Variants in CSMD1 observed in about 807,000 individuals in gnomAD.
CSMD1 encodes the protein CUB and sushi domain-containing protein 1.
CSMD1 carries 213 observed loss-of-function variants against 417.5 expected under a neutral mutation model. The observed-to-expected ratio is 0.51, with a 90% CI of 0.46 to 0.57. The LOEUF (loss-of-function observed/expected upper bound fraction) is 0.57, where lower values mean the gene tolerates loss of function less well. CSMD1 is among the 20% of genes least tolerant of loss of function. The pLI is 0.00. For synonymous variants in CSMD1, 2,862 were observed against 1,736.8 expected (o/e 1.65, Z -16.11); for missense variants, 6,923 against 4,529.7 (o/e 1.53, Z -15.17).
At chr8:4,834,816 G>A (rs1034200525) in intron 1 of CSMD1, among the ~76,000 whole-genome samples, 72 of 151,526 alleles carry the variant, frequency 4.8e-4, no homozygotes, top group African/African-American at 1.6e-3. Context: ...AATTAGCCGG[G>A]CGTGGTGGTG....
At chr8:4,497,464 G>T (rs561830395) in intron 2 of CSMD1, among the ~76,000 whole-genome samples, 1 of 152,282 alleles carries the variant, frequency 6.6e-6, no homozygotes, top group African/African-American at 2.4e-5. Flanking sequence ...AGGCCCAATT[G>T]TGTTTCACAG....
chr8:3,540,965 G>A (rs987037157), intron 10 of CSMD1, among the ~76,000 whole-genome samples: 1 of 152,246 alleles, frequency 6.6e-6, no homozygotes, highest in Non-Finnish European at 1.5e-5. Context: ...GTGGAGGACA[G>A]TGTGGTGATT....
At chr8:3,482,663 C>T (rs963663243) in intron 11 of CSMD1, among the ~76,000 whole-genome samples, 1 of 152,160 alleles carries the variant, frequency 6.6e-6, no homozygotes, top group Non-Finnish European at 1.5e-5. Context: ...ATGGAACTCT[C>T]AACTCAATAC....
intron 7 of CSMD1, among the ~76,000 whole-genome samples, chr8:3,669,466 A>C (rs904430200): frequency 6.6e-6 from 1 of 152,134 alleles, no homozygotes; most frequent in African/African-American, 2.4e-5. Context: ...TCATTCATTC[A>C]ACATCAGTAA....
At chr8:4,046,059 C>G (rs926493025) in intron 3 of CSMD1, among the ~76,000 whole-genome samples, 1 of 152,010 alleles carries the variant, frequency 6.6e-6, no homozygotes, top group Non-Finnish European at 1.5e-5. Flanking sequence ...ATTTTAAAAT[C>G]AGTTCTCCCA....
chr8:4,452,651 A>C (rs1222240577), intron 2 of CSMD1, among the ~76,000 whole-genome samples: 3 of 143,594 alleles, frequency 2.1e-5, no homozygotes, highest in Non-Finnish European at 4.7e-5. Flanking sequence ...CTTGAGTGAA[A>C]CGTAACATTG....
intron 3 of CSMD1, among the ~76,000 whole-genome samples, chr8:4,171,719 C>A (rs1380347644): frequency 6.7e-6 from 1 of 149,466 alleles, no homozygotes; most frequent in African/African-American, 2.6e-5. Context: ...TATTTATGTG[C>A]CAAGCTTCTG....
chr8:3,808,736 C>A (rs754325790), intron 5 of CSMD1, among the ~76,000 whole-genome samples: 2 of 152,190 alleles, frequency 1.3e-5, no homozygotes, highest in Non-Finnish European at 2.9e-5. Context: ...CTCTCTCTTT[C>A]CTAGCATAGC....
chr8:4,602,267 A>C (rs1800630227), intron 2 of CSMD1, among the ~76,000 whole-genome samples: 1 of 152,158 alleles, frequency 6.6e-6, no homozygotes, highest in African/African-American at 2.4e-5. Context: ...AAAATCTCTT[A>C]CTAAAAAAGA....
chr8:4,247,673 G>A (rs983991443), intron 3 of CSMD1, among the ~76,000 whole-genome samples: 1 of 152,082 alleles, frequency 6.6e-6, no homozygotes, highest in Non-Finnish European at 1.5e-5. Flanking sequence ...AATTAATTTT[G>A]TAATGTATGA....
At chr8:3,210,945 T>C (rs1460877262) in intron 30 of CSMD1, among the ~76,000 whole-genome samples, 1 of 151,932 alleles carries the variant, frequency 6.6e-6, no homozygotes, top group African/African-American at 2.4e-5. Context: ...AGACTCTATA[T>C]AATTGCTAAA....
At chr8:4,737,785 G>C (rs1810342006) in intron 1 of CSMD1, among the ~76,000 whole-genome samples, 1 of 152,146 alleles carries the variant, frequency 6.6e-6, no homozygotes, top group Non-Finnish European at 1.5e-5. Context: ...GAAACAAATA[G>C]TTCTTTGGAC....
At position 4,025,526 on chromosome 8, in the gene CSMD1, C is replaced by G. The variant is rs375251209; in HGVS notation, c.610+6379G>C. Reference sequence around the variant, plus strand: ...AGCATTTTTCATTGAAACTATCTAGCTGCTTCTTCTCTTTTTTCATATTTC... The same window carrying G: ...AGCATTTTTCATTGAAACTATCTAGGTGCTTCTTCTCTTTTTTCATATTTC... On this transcript the variant is annotated intron_variant, in intron 4 of 69. Coordinates refer to ENST00000635120, the MANE Select transcript of CSMD1 (RefSeq NM_033225.6). Among the ~76,000 whole-genome samples the G allele has an allele frequency of 5.3e-5, 8 of 152,290 alleles. No individual in the cohort carries two copies. In the East Asian group the frequency reaches 1.4e-3, roughly 26 times the overall value.
chr8:3,277,640 G>C (rs1415696728), intron 26 of CSMD1, among the ~76,000 whole-genome samples: 2 of 152,134 alleles, frequency 1.3e-5, no homozygotes, highest in Non-Finnish European at 2.9e-5. Context: ...GCCCAGGATT[G>C]GGAAAAGCAT....
At chr8:4,456,159 C>G (rs906582250) in intron 2 of CSMD1, among the ~76,000 whole-genome samples, 1 of 151,122 alleles carries the variant, frequency 6.6e-6, no homozygotes, top group Middle Eastern at 3.2e-3. Flanking sequence ...GAGAGTGGTC[C>G]CTGTCTTTTG....
chr8:4,937,536 C>G (rs1585366317), intron 1 of CSMD1, among the ~76,000 whole-genome samples: 1 of 152,132 alleles, frequency 6.6e-6, no homozygotes, highest in African/African-American at 2.4e-5. Context: ...TGGCTAGTAA[C>G]TTACAGTACC....
intron 5 of CSMD1, among the ~76,000 whole-genome samples, chr8:3,774,900 T>G (rs1009356372): frequency 6.6e-6 from 1 of 152,040 alleles, no homozygotes; most frequent in African/African-American, 2.4e-5. Flanking sequence ...CACAATGTCT[T>G]TTCAATATGG....
chr8:3,671,202 G>C (rs1364681585), intron 7 of CSMD1, among the ~76,000 whole-genome samples: 1 of 147,016 alleles, frequency 6.8e-6, no homozygotes, highest in Non-Finnish European at 1.5e-5. Context: ...AGGTATATGG[G>C]ATCTATGTAT....
intron 5 of CSMD1, among the ~76,000 whole-genome samples, chr8:3,762,922 T>C (rs538285388): frequency 2.6e-5 from 4 of 151,976 alleles, no homozygotes; most frequent in Non-Finnish European, 4.4e-5. Flanking sequence ...TTCACCTGCC[T>C]ACGCCCCACA....
Sources: gnomAD v4.1 joint callset for allele counts (sites outside exome capture counted in the v4.1 genomes callset) on GRCh38, gnomAD v4.1.1 for gene constraint, MANE v1.5 for transcripts, NCBI Gene and HGNC (gene_info 2026-07-23, HGNC 2026-07-21) for gene names.